The following HYDIN variants were observed in gnomAD, a reference collection of about 807,000 sequenced individuals.
The protein encoded by HYDIN is axonemal central pair apparatus protein HYDIN.
HYDIN carries 132 observed loss-of-function variants against 403.9 expected under a neutral mutation model. That is an observed-to-expected ratio of 0.33 (90% confidence interval 0.28 to 0.38). The LOEUF is 0.38. Ranked by LOEUF, HYDIN falls within the 10% of genes least tolerant of loss-of-function variation. The pLI is 1.00. For missense variants in HYDIN, 2,827 were observed against 5,009.5 expected (o/e 0.56, Z 13.15); for synonymous variants, 1,202 against 1,891.7 (o/e 0.64, Z 9.46).
At position 70,920,642 on chromosome 16, in the gene HYDIN, G is replaced by A. The variant is rs2076965836; in HGVS notation, c.7734C>T (p.Gly2578=). The A allele has an allele frequency of 6.2e-7, 1 of 1,613,994 alleles. No homozygotes were observed. ...FLDIQTPDFE[G]LSWKQALESD... ...TCTCTAGGGCCTGCTTCCAGCTCAAGCCTTCAAAGTCTGGTGTCTGGATGT... is the reference window on the plus strand; with the variant it reads ...TCTCTAGGGCCTGCTTCCAGCTCAAACCTTCAAAGTCTGGTGTCTGGATGT... Residue 2578 remains glycine, a synonymous_variant, in exon 46 of 86, where the codon GGC becomes GGT. Coordinates refer to ENST00000393567, the MANE Select transcript of HYDIN (RefSeq NM_001270974.2).
At chr16:70,943,120 A>T (rs969836621) in intron 42 of HYDIN, among the ~76,000 whole-genome samples, 5 of 152,194 alleles carry the variant, frequency 3.3e-5, no homozygotes, top group African/African-American at 7.2e-5. Context: ...CTGGTAAGCA[A>T]TGTAGCTGTG....
chr16:70,824,327 CCTT>C (rs2036447316), intron 83 of HYDIN, among the ~76,000 whole-genome samples: 1 of 151,812 alleles, frequency 6.6e-6, no homozygotes, highest in Non-Finnish European at 1.5e-5. Context: ...GAATGAGAAA[CCTT>C]CTCTTATTTC....
At chr16:71,049,545 G>T (rs888827648) in intron 18 of HYDIN, among the ~76,000 whole-genome samples, 1 of 152,140 alleles carries the variant, frequency 6.6e-6, no homozygotes, top group African/African-American at 2.4e-5. Context: ...GCACTGAGAA[G>T]GAGAAAGAAA....
chr16:71,205,251 A>C (rs981277546), intron 1 of HYDIN, among the ~76,000 whole-genome samples: 5 of 152,248 alleles, frequency 3.3e-5, no homozygotes, highest in Admixed American at 6.5e-5. Context: ...GGGATGCATC[A>C]GGGCAACAGG....
chr16:70,894,405 C>G, intron 55 of HYDIN, 44 bp downstream of exon 55: 1 of 1,611,510 alleles, frequency 6.2e-7, no homozygotes, highest in South Asian at 1.1e-5. Flanking sequence ...CATTCCTCCC[C>G]ACGGCGGACT....
chr16:70,833,981 G>C lies in HYDIN; in HGVS notation c.13585C>G (p.Leu4529Val). Residue 4529 changes from leucine to valine, a missense_variant, in exon 79 of 86, where the codon CTG (leucine) becomes GTG (valine). Physicochemically the swap from Leu to Val is conservative, Grantham distance 32. Transcript: ENST00000393567. ...SGCCQALEIS[L>V]DQEHIPFGPV... ...CCAAAGGGAATATGTTCCTGGTCCA[G>C]TGAGATCTCCAGGGCCTGGCAGCAG... is the stretch of plus-strand genomic sequence containing the variant. 1 of 1,611,604 alleles carries C rather than the reference G, an allele frequency of 6.2e-7. No homozygotes were observed. The highest frequency in any genetic ancestry group is 8.5e-7 in the Non-Finnish European group (1 of 1,178,478).
chr16:71,165,541 T>A (rs2086184734), intron 5 of HYDIN, among the ~76,000 whole-genome samples: 1 of 150,926 alleles, frequency 6.6e-6, no homozygotes, highest in Non-Finnish European at 1.5e-5. Context: ...CGTATTTCCA[T>A]GTCAAGAGGG....
intron 4 of HYDIN, among the ~76,000 whole-genome samples, chr16:71,176,910 G>T (rs2086691082): frequency 6.6e-6 from 1 of 152,156 alleles, no homozygotes. Context: ...AATAAAAGGT[G>T]AAAGCATTTC....
At chr16:70,904,729 T>G (rs1190574177) in intron 50 of HYDIN, among the ~76,000 whole-genome samples, 1 of 151,200 alleles carries the variant, frequency 6.6e-6, no homozygotes, top group Admixed American at 6.6e-5. Flanking sequence ...CTCGAACTGG[T>G]GACCTCAGAT....
At chr16:71,046,382 G>A (rs1269740654) in intron 18 of HYDIN, among the ~76,000 whole-genome samples, 2 of 152,098 alleles carry the variant, frequency 1.3e-5, no homozygotes, top group Non-Finnish European at 2.9e-5. Flanking sequence ...CTTGTTGAAT[G>A]ACTACATATG....
chr16:70,842,039 T>A (rs573549967), intron 75 of HYDIN, among the ~76,000 whole-genome samples: 16 of 150,966 alleles, frequency 1.1e-4, no homozygotes, highest in Admixed American at 7.9e-4. Context: ...CTTTCCATTG[T>A]GGTTGAAGAA....
chr16:71,180,644 C>T (rs2086863091), intron 3 of HYDIN, among the ~76,000 whole-genome samples: 1 of 151,614 alleles, frequency 6.6e-6, no homozygotes. Context: ...AAAAAATTTG[C>T]AAACTGAAAC....
intron 13 of HYDIN, among the ~76,000 whole-genome samples, chr16:71,071,989 A>G (rs1286033117): frequency 6.6e-6 from 1 of 151,994 alleles, no homozygotes; most frequent in Non-Finnish European, 1.5e-5. Flanking sequence ...GTCATTGTCC[A>G]TAGAAATAAT....
intron 15 of HYDIN, among the ~76,000 whole-genome samples, chr16:71,065,484 T>C (rs1288017698): frequency 6.6e-6 from 1 of 152,122 alleles, no homozygotes; most frequent in Admixed American, 6.5e-5. Flanking sequence ...ATTAGGTGAC[T>C]TGGATTTTAT....
At chr16:70,898,318 A>C (rs978365884) in intron 53 of HYDIN, among the ~76,000 whole-genome samples, 5 of 152,200 alleles carry the variant, frequency 3.3e-5, no homozygotes, top group African/African-American at 1.2e-4. Flanking sequence ...ATGATCCAGC[A>C]ACTAGAGGAC....
chr16:71,223,347 C>A (rs567035784), intron 1 of HYDIN, among the ~76,000 whole-genome samples: 3 of 152,084 alleles, frequency 2.0e-5, no homozygotes, highest in Non-Finnish European at 2.9e-5. Flanking sequence ...AGACTTAAAT[C>A]TAAGACATGA....
intron 1 of HYDIN, among the ~76,000 whole-genome samples, chr16:71,188,796 G>T (rs1480179791): frequency 6.6e-6 from 1 of 152,128 alleles, no homozygotes; most frequent in East Asian, 1.9e-4. Context: ...CTACATCCTA[G>T]TAATAGAAAA....
chr16:71,190,129 T>C (rs938967371), intron 1 of HYDIN, among the ~76,000 whole-genome samples: 3 of 152,164 alleles, frequency 2.0e-5, no homozygotes, highest in African/African-American at 7.2e-5. Context: ...CGCAGAGACC[T>C]GGATTGTAGT....
chr16:71,009,642 A>G (rs1541399), intron 23 of HYDIN, among the ~76,000 whole-genome samples: 1 of 151,838 alleles, frequency 6.6e-6, no homozygotes, highest in East Asian at 1.9e-4. Flanking sequence ...TTGAGGATCT[A>G]GAGAAGGGGT....
Sources: allele counts gnomAD v4.1 joint callset (sites outside exome capture counted in the v4.1 genomes callset), GRCh38; gene constraint gnomAD v4.1.1; transcripts MANE v1.5; gene names NCBI Gene and HGNC (gene_info 2026-07-23, HGNC 2026-07-21).